The following MAGI1 variants were observed in gnomAD, a reference collection of about 807,000 sequenced individuals.
The protein encoded by MAGI1 is membrane-associated guanylate kinase, WW and PDZ domain-containing protein 1.
In MAGI1, 58 loss-of-function variants were observed where a neutral mutation model predicts 139.9. That is an observed-to-expected ratio of 0.41 (90% CI 0.34 to 0.52). The LOEUF is 0.52. Ranked by LOEUF, MAGI1 falls within the 20% of genes least tolerant of loss-of-function variation. The pLI is 0.12. For synonymous variants in MAGI1, 812 were observed against 737.9 expected (o/e 1.10, Z -1.63); for missense variants, 1,874 against 1,901.6 (o/e 0.99, Z 0.27).
chr3:65,880,856 C>T (rs184400397), intron 1 of MAGI1, among the ~76,000 whole-genome samples: 2 of 151,258 alleles, frequency 1.3e-5, no homozygotes, highest in East Asian at 1.9e-4. Flanking sequence ...TCAGCAATAT[C>T]TCATCACTTT....
chr3:65,919,323 G>A lies in MAGI1; in HGVS notation c.313+118673C>T, dbSNP rs1228336684. Among the ~76,000 whole-genome samples the A allele has an allele frequency of 2.0e-5, 3 of 152,266 alleles. No homozygotes were observed. In the East Asian group the frequency reaches 5.8e-4, roughly 29 times the overall value. On this transcript the variant is annotated intron_variant, in intron 1 of 22. Coordinates refer to ENST00000402939, the MANE Select transcript of MAGI1 (RefSeq NM_001033057.2). ...ATGCCTGTAAATTCCAGCACTTTGG[G>A]AAGCTAAGGCAGGACGATCGTTTGA...
Position 65,557,254 on chromosome 3 carries a change from C to G in MAGI1, c.431-63623G>C, listed in dbSNP as rs552697499. Reference sequence around the variant, plus strand: ...AGACACTGTCCCTTCCACCTTGGTTCTGTGCATTCTCTCTGTCTTCCTCTT... The same window carrying G: ...AGACACTGTCCCTTCCACCTTGGTTGTGTGCATTCTCTCTGTCTTCCTCTT... On this transcript the variant is annotated intron_variant, in intron 2 of 22. Transcript: ENST00000402939. Among the ~76,000 whole-genome samples the G allele has an allele frequency of 4.1e-4, 62 of 152,344 alleles. 1 individual carries two copies. The highest frequency in any genetic ancestry group is 1.4e-3 in the African/African-American group (59 of 41,594).
intron 5 of MAGI1, among the ~76,000 whole-genome samples, chr3:65,468,102 G>C (rs1950284789): frequency 1.3e-5 from 2 of 152,114 alleles, no homozygotes; most frequent in Admixed American, 1.3e-4. Context: ...AGAAAGCTGA[G>C]ATGCAAGAAG....
chr3:65,851,258 C>T (rs745690552), intron 1 of MAGI1, among the ~76,000 whole-genome samples: 8 of 152,132 alleles, frequency 5.3e-5, no homozygotes, highest in African/African-American at 1.7e-4. Context: ...GGATTGTTGA[C>T]GCTATCAAAG....
intron 1 of MAGI1, among the ~76,000 whole-genome samples, chr3:65,768,954 G>C (rs919263767): frequency 6.6e-6 from 1 of 152,058 alleles, no homozygotes; most frequent in South Asian, 2.1e-4. Context: ...CCAGGATTTT[G>C]ACAAAGCAAA....
At chr3:65,621,300 T>C (rs1398866968) in intron 2 of MAGI1, among the ~76,000 whole-genome samples, 1 of 152,244 alleles carries the variant, frequency 6.6e-6, no homozygotes, top group Admixed American at 6.5e-5. Flanking sequence ...TGCGAATTTA[T>C]CCAACCATAG....
chr3:65,910,237 C>T (rs919810200), intron 1 of MAGI1, among the ~76,000 whole-genome samples: 5 of 152,142 alleles, frequency 3.3e-5, no homozygotes, highest in Admixed American at 2.0e-4. Flanking sequence ...GTATTTGAGG[C>T]TGCCAAAGTG....
In MAGI1 at chr3:65,656,696, G is replaced by A. The variant is rs773140048; in HGVS notation, c.314-34608C>T. Among the ~76,000 whole-genome samples, 7 of 152,004 alleles carry A rather than the reference G, an allele frequency of 4.6e-5. No individual in the cohort carries two copies. In the South Asian group the frequency reaches 1.2e-3, roughly 27 times the overall value. ...ACATCAAACATAGAATATATCAAGA[G>A]GTATCAAAAAAGAGACACAGGGCCA... On this transcript the variant is annotated intron_variant, in intron 1 of 22. Coordinates refer to ENST00000402939, the MANE Select transcript of MAGI1 (RefSeq NM_001033057.2).
intron 10 of MAGI1, among the ~76,000 whole-genome samples, chr3:65,434,498 G>A (rs187979830): frequency 2.8e-4 from 43 of 152,212 alleles, no homozygotes; most frequent in Admixed American, 2.6e-3. Context: ...TTGATCAGGG[G>A]AGAATTTAGT....
At chr3:65,919,486 C>G (rs2062065702) in intron 1 of MAGI1, among the ~76,000 whole-genome samples, 1 of 151,696 alleles carries the variant, frequency 6.6e-6, no homozygotes. Flanking sequence ...CTCTTGAGCC[C>G]AGGAGTTTGA....
chr3:65,841,928 A>G (rs17073942), intron 1 of MAGI1, among the ~76,000 whole-genome samples: 7,269 of 152,216 alleles, frequency 0.048, 575 homozygotes, highest in African/African-American at 0.16. Flanking sequence ...ACTGGGGTTC[A>G]TTTCAAAAAA....
At chr3:65,440,931 TAC>T (rs1421304953) in intron 8 of MAGI1, among the ~76,000 whole-genome samples, 3,582 of 151,216 alleles carry the variant, frequency 0.024, 65 homozygotes, top group Non-Finnish European at 0.023. Flanking sequence ...CACACACATA[TAC>T]ACACACACAA....
intron 1 of MAGI1, among the ~76,000 whole-genome samples, chr3:65,825,950 G>C (rs917061976): frequency 6.6e-6 from 1 of 151,926 alleles, no homozygotes; most frequent in South Asian, 2.1e-4. Flanking sequence ...ATCGTGCCAC[G>C]CACTCCAGCC....
At chr3:65,872,770 T>G (rs1009014356) in intron 1 of MAGI1, 2 of 152,232 alleles carry the variant, frequency 1.3e-5, no homozygotes, top group Non-Finnish European at 2.9e-5. Context: ...ACAAGGGTCA[T>G]GTCTCCCAAA....
intron 1 of MAGI1, among the ~76,000 whole-genome samples, chr3:65,961,432 T>G (rs1031357439): frequency 6.6e-6 from 1 of 152,200 alleles, no homozygotes; most frequent in Non-Finnish European, 1.5e-5. Context: ...ATAACTGAAC[T>G]GTACACTGTT....
At chr3:65,634,887 G>A (rs2084518808) in intron 1 of MAGI1, among the ~76,000 whole-genome samples, 1 of 152,048 alleles carries the variant, frequency 6.6e-6, no homozygotes, top group Non-Finnish European at 1.5e-5. Context: ...TTGGTTATTT[G>A]GGGATGAGTT....
intron 1 of MAGI1, among the ~76,000 whole-genome samples, chr3:65,785,101 T>C (rs2039276923): frequency 2.0e-5 from 3 of 152,244 alleles, no homozygotes. Flanking sequence ...CATGAATAAA[T>C]TGTATGACAT....
chr3:65,455,092 T>C (rs952052539), intron 5 of MAGI1, among the ~76,000 whole-genome samples: 69 of 152,178 alleles, frequency 4.5e-4, no homozygotes, highest in African/African-American at 1.6e-3. Context: ...GGAGAGGAGA[T>C]TATGCAGGAT....
rs191461182 is a variant in MAGI1, at chr3:66,038,836, C to G, written c.-528G>C. The G allele has an allele frequency of 2.7e-3, 420 of 152,848 alleles. No homozygotes were observed. The highest frequency in any genetic ancestry group is 0.01 in the Middle Eastern group (3 of 292). 9.5% of individuals were successfully genotyped at this position (152,848 alleles called of 1,614,324 possible). On this transcript the variant is annotated 5_prime_UTR_variant, in exon 1 of 23. Transcript: ENST00000402939. The stretch of plus-strand genomic sequence containing the variant: ...TGCTCGCGGCCCCTTTAAGCAGATA[C>G]AAAGGCTCGGCTTGTTTTGTTACAG...
Sources: gnomAD v4.1 joint callset for allele counts (sites outside exome capture counted in the v4.1 genomes callset) on GRCh38, gnomAD v4.1.1 for gene constraint, MANE v1.5 for transcripts, NCBI Gene and HGNC (gene_info 2026-07-23, HGNC 2026-07-21) for gene names.